The following KANSL3 variants were observed in gnomAD, a reference collection of about 807,000 sequenced individuals.
The protein encoded by KANSL3 is KAT8 regulatory NSL complex subunit 3, also known as NSL complex protein NSL3.
Under a neutral mutation model 89.2 loss-of-function variants are expected in KANSL3, and 16 were observed. The observed-to-expected ratio is 0.18, with a 90% confidence interval of 0.12 to 0.27. The LOEUF is 0.27. KANSL3 is among the 10% of genes least tolerant of loss of function. The probability of loss-of-function intolerance (pLI) is 1.00; values close to 1 mark genes in which losing one functional copy is unlikely to be tolerated. For missense variants in KANSL3, 879 were observed against 1,110.6 expected (o/e 0.79, Z 2.96); for synonymous variants, 385 against 419.7 (o/e 0.92, Z 1.01).
chr2:96,616,205 A>C (rs531139773), intron 5 of KANSL3, among the ~76,000 whole-genome samples: 1 of 152,384 alleles, frequency 6.6e-6, no homozygotes, highest in South Asian at 2.1e-4. Context: ...ACCAAACTGC[A>C]AAGGATCTTC....
At chr2:96,611,196 AC>A (rs1332533253) in intron 9 of KANSL3, 58 bp from the exon 10 acceptor site, 2 of 1,472,220 alleles carry the variant, frequency 1.4e-6, no homozygotes, top group East Asian at 2.3e-5. Flanking sequence ...ACCTCAGCCT[AC>A]CCAGAATCCA....
At chr2:96,611,172 A>G (rs774670952) in intron 9 of KANSL3, 34 bp from the exon 10 acceptor site, 61 of 1,591,892 alleles carry the variant, frequency 3.8e-5, no homozygotes, top group Non-Finnish European at 4.9e-5. Flanking sequence ...CTAAACGTCA[A>G]CTGAGTTCAT....
chr2:96,592,162 A>G (rs865796882), downstream of KANSL3, among the ~76,000 whole-genome samples: 4 of 152,204 alleles, frequency 2.6e-5, 1 homozygote, highest in Non-Finnish European at 1.5e-5. Flanking sequence ...AGCAAACCAG[A>G]TGTCTACTAA....
the KANSL3 span, among the ~76,000 whole-genome samples, chr2:96,581,062 C>T: frequency 6.6e-6 from 1 of 152,240 alleles, no homozygotes; most frequent in Admixed American, 6.5e-5. Flanking sequence ...CAGGTCCCTC[C>T]TCTGGGAATT....
chr2:96,635,976 A>ATC (rs1217481411), intron 2 of KANSL3, among the ~76,000 whole-genome samples: 3 of 150,204 alleles, frequency 2.0e-5, no homozygotes, highest in Admixed American at 6.8e-5. Flanking sequence ...CCTGGGCGAC[A>ATC]GAGCAAGACT....
chr2:96,618,225 C>T (rs1261697522), intron 5 of KANSL3, among the ~76,000 whole-genome samples: 1 of 151,476 alleles, frequency 6.6e-6, no homozygotes, highest in Non-Finnish European at 1.5e-5. Context: ...CTCTCTCTCT[C>T]TTTCTTAGAG....
intron 3 of KANSL3, among the ~76,000 whole-genome samples, chr2:96,621,431 TTGAATCCAGGAGGCAGAGGTTGCAG>T (rs1336175973): frequency 6.6e-6 from 1 of 151,296 alleles, no homozygotes; most frequent in Non-Finnish European, 1.5e-5. Context: ...GAAGAAGCAC[TTGAATCCAGGAGGCAGAGGTTGCAG>T]TGAGCCGAGA....
At chr2:96,635,380 G>T (rs2074097147) in intron 2 of KANSL3, among the ~76,000 whole-genome samples, 1 of 152,184 alleles carries the variant, frequency 6.6e-6, no homozygotes, top group African/African-American at 2.4e-5. Context: ...TATATTTGGA[G>T]ACAGAGATTA....
rs59217274 is a variant in KANSL3, at chr2:96,611,903, ATG to A, written c.1086+377_1086+378del. 6.4e-3 allele frequency among the ~76,000 whole-genome samples: 721 copies of A among 113,218 alleles called. 4 individuals carry two copies. Among genetic ancestry groups the A allele is most frequent in the Middle Eastern group, 0.018 (4 of 222 alleles). 74.3% of individuals were successfully genotyped at this position (113,218 alleles called of 152,430 possible). ...TTTTTTTCCACAGATATATACCCAT[ATG>A]TGTGTGTGTGTGTGTGTGTGTGTGT... On this transcript the variant is annotated intron_variant, in intron 9 of 20. Transcript: ENST00000431828.
intron 5 of KANSL3, among the ~76,000 whole-genome samples, chr2:96,614,437 T>C (rs912129214): frequency 7.2e-5 from 11 of 152,180 alleles, no homozygotes; most frequent in Non-Finnish European, 1.6e-4. Context: ...AGAAATAATT[T>C]TGCTAAAATG....
rs1272896426 is a variant in KANSL3, at chr2:96,632,921, G to A, written c.216-1439C>T. ...GCGGAGCTTGCAGTGAGCCGAGATT[G>A]CGCCACTGCACTCCAGACTGGGAGA... On this transcript the variant is annotated intron_variant, in intron 2 of 20. Coordinates refer to ENST00000431828, the MANE Select transcript of KANSL3 (RefSeq NM_001115016.3). 4.1e-5 allele frequency among the ~76,000 whole-genome samples: 6 copies of A among 146,746 alleles called. No homozygotes were observed. In the East Asian group the frequency reaches 8.2e-4, roughly 20 times the overall value.
At chr2:96,604,633 G>T in intron 16 of KANSL3, 146 bp downstream of exon 16, 2 of 827,204 alleles carry the variant, frequency 2.4e-6, no homozygotes, top group Non-Finnish European at 3.8e-6. Flanking sequence ...TGACTCAAAA[G>T]CAAGACAAAG....
At chr2:96,638,080 G>C in intron 1 of KANSL3, 1 of 150,992 alleles carries the variant, frequency 6.6e-6, no homozygotes, top group Admixed American at 6.6e-5. Context: ...CTCGGCGTCC[G>C]CGTCACGGAG....
At chr2:96,586,815 T>G in the KANSL3 span, among the ~76,000 whole-genome samples, 1 of 152,256 alleles carries the variant, frequency 6.6e-6, no homozygotes, top group Non-Finnish European at 1.5e-5. Context: ...TTCTTGGCTC[T>G]TTTGATGCCT....
Position 96,608,635 on chromosome 2 carries a change from G to A in KANSL3, c.1614C>T (p.Thr538=), listed in dbSNP as rs1200340554. ...EDLSSVSSSP[T]SSPKTKVTTV... is the part of the protein sequence containing the mutation. ...TGGTCACTTTGGTCTTGGGACTGGA[G>A]GTGGGGCTGCTGGACACACTGGAGA... Residue 538 remains threonine, a synonymous_variant, in exon 14 of 21, where the codon ACC becomes ACT. Transcript: ENST00000431828. 3.7e-6 allele frequency: 6 copies of A among 1,614,050 alleles called. No individual in the cohort carries two copies. In the South Asian group the frequency reaches 4.4e-5, roughly 12 times the overall value.
intron 5 of KANSL3, among the ~76,000 whole-genome samples, chr2:96,613,924 A>G (rs1232053023): frequency 6.6e-6 from 1 of 152,214 alleles, no homozygotes; most frequent in Admixed American, 6.5e-5. Flanking sequence ...AAAACGTATC[A>G]GAAACAAAAA....
chr2:96,609,399 G>A (rs1029386817), intron 12 of KANSL3, 100 bp downstream of exon 12: 1 of 994,896 alleles, frequency 1.0e-6, no homozygotes, highest in African/African-American at 1.6e-5. Flanking sequence ...GGCCCCAGTG[G>A]AGGCCTTAGA....
At chr2:96,621,949 A>C (rs1040929261) in intron 3 of KANSL3, among the ~76,000 whole-genome samples, 2 of 151,906 alleles carry the variant, frequency 1.3e-5, no homozygotes, top group African/African-American at 4.8e-5. Flanking sequence ...CCCTGTCTCT[A>C]CTAAAAATAC....
downstream of KANSL3, among the ~76,000 whole-genome samples, chr2:96,592,098 T>C (rs1244796817): frequency 1.4e-4 from 21 of 152,112 alleles, no homozygotes; most frequent in Admixed American, 1.4e-3. Context: ...CTAATCCTCA[T>C]CTCGCTTGAC....
Sources: gnomAD v4.1 joint callset for allele counts (sites outside exome capture counted in the v4.1 genomes callset) on GRCh38, gnomAD v4.1.1 for gene constraint, MANE v1.5 for transcripts, NCBI Gene and HGNC (gene_info 2026-07-23, HGNC 2026-07-21) for gene names.